The following VAT1L variants were observed in gnomAD, a reference collection of about 807,000 sequenced individuals.
The protein encoded by VAT1L is putative NADPH-dependent quinone oxidoreductase VAT1L.
Under a neutral mutation model 44.1 loss-of-function variants are expected in VAT1L, and 34 were observed. The ratio of observed to expected loss-of-function variants is 0.77; its 90% CI spans 0.59 to 1.03. The LOEUF is 1.03. Among genes scored for constraint, VAT1L ranks in the 50% least tolerant of loss-of-function variants. VAT1L has a pLI of 0.00. For missense variants in VAT1L, 615 were observed against 538.8 expected, an observed-to-expected ratio of 1.14 and a Z score of -1.40; for synonymous variants, 253 against 202.2, an observed-to-expected ratio of 1.25 and a Z score of -2.13.
At chr16:77,840,602 C>T (rs543959404) in intron 3 of VAT1L, among the ~76,000 whole-genome samples, 1 of 152,246 alleles carries the variant, frequency 6.6e-6, no homozygotes, top group Non-Finnish European at 1.5e-5. Context: ...ACACTCATTT[C>T]GTTTTGCATG....
chr16:77,960,523 T>C (rs143708087), intron 7 of VAT1L, among the ~76,000 whole-genome samples: 4 of 152,166 alleles, frequency 2.6e-5, no homozygotes, highest in Non-Finnish European at 2.9e-5. Context: ...GCTGTAGTTG[T>C]GAAGAGGCAT....
chr16:77,946,007 G>A (rs1234120670), intron 7 of VAT1L, among the ~76,000 whole-genome samples: 3 of 151,820 alleles, frequency 2.0e-5, no homozygotes, highest in Non-Finnish European at 4.4e-5. Context: ...TCACCATGTT[G>A]GTCAGGCTGG....
chr16:77,837,522 C>T (rs190062176), intron 3 of VAT1L, among the ~76,000 whole-genome samples: 1 of 152,178 alleles, frequency 6.6e-6, no homozygotes, highest in Non-Finnish European at 1.5e-5. Flanking sequence ...AACCACTGAT[C>T]TCAGTACCCA....
rs2018280489 is a variant in VAT1L at position 77,971,788 on chromosome 16, C to T, written c.1078-62C>T. 4.5e-6 allele frequency: 7 copies of T among 1,547,650 alleles called. 1 individual carries two copies. The African/African-American group carries it at 6.8e-5, about 15-fold the overall frequency. On this transcript the variant is annotated intron_variant, in intron 7 of 8. Transcript: ENST00000302536. ...CTTGACAGTTTGAGTTCTCCAGGCCCCCTTTTTAACTGGGGAACATCTCGC... is the reference window on the plus strand; with the variant it reads ...CTTGACAGTTTGAGTTCTCCAGGCCTCCTTTTTAACTGGGGAACATCTCGC...
chr16:77,961,438 G>A (rs1406948709), intron 7 of VAT1L, among the ~76,000 whole-genome samples: 11 of 152,082 alleles, frequency 7.2e-5, no homozygotes, highest in Admixed American at 7.2e-4. Context: ...AGATCCCTGG[G>A]CCTGTTCCAA....
At chr16:77,883,592 A>C (rs1267791183) in intron 6 of VAT1L, among the ~76,000 whole-genome samples, 1 of 152,116 alleles carries the variant, frequency 6.6e-6, no homozygotes, top group Non-Finnish European at 1.5e-5. Context: ...GCTTCCACCC[A>C]CTAGACGCCA....
chr16:77,855,953 G>T (rs2142437427), intron 3 of VAT1L, among the ~76,000 whole-genome samples: 1 of 152,300 alleles, frequency 6.6e-6, no homozygotes, highest in South Asian at 2.1e-4. Flanking sequence ...AGGAGGTGGA[G>T]GTTGCAGTGA....
intron 7 of VAT1L, among the ~76,000 whole-genome samples, chr16:77,918,687 G>A (rs1400301295): frequency 6.6e-6 from 1 of 152,144 alleles, no homozygotes; most frequent in African/African-American, 2.4e-5. Flanking sequence ...CCCGGAAACT[G>A]TAAGTTTAAT....
chr16:77,903,033 C>A (rs35015284), intron 7 of VAT1L, among the ~76,000 whole-genome samples: 1 of 150,206 alleles, frequency 6.7e-6, no homozygotes, highest in Non-Finnish European at 1.5e-5. Context: ...TTATACCTTA[C>A]ACTCTCATAG....
At chr16:77,835,803 G>A (rs534972822) in intron 3 of VAT1L, among the ~76,000 whole-genome samples, 2 of 152,120 alleles carry the variant, frequency 1.3e-5, no homozygotes, top group African/African-American at 4.8e-5. Context: ...AACCCCGGAG[G>A]CGGAGGTCAC....
intron 7 of VAT1L, among the ~76,000 whole-genome samples, chr16:77,932,723 G>C (rs1012198773): frequency 6.6e-6 from 1 of 152,142 alleles, no homozygotes; most frequent in African/African-American, 2.4e-5. Flanking sequence ...CAATCCCTGA[G>C]ATCCACTCAT....
At chr16:77,891,856 A>G (rs1290999707) in intron 7 of VAT1L, among the ~76,000 whole-genome samples, 1 of 152,174 alleles carries the variant, frequency 6.6e-6, no homozygotes, top group Non-Finnish European at 1.5e-5. Context: ...GTGGATCACC[A>G]GGTCAGGAGA....
chr16:77,849,499 G>C, intron 3 of VAT1L, among the ~76,000 whole-genome samples: 1 of 152,212 alleles, frequency 6.6e-6, no homozygotes, highest in Middle Eastern at 3.2e-3. Flanking sequence ...GTTTGAGCAA[G>C]GGGGATGGCT....
chr16:77,891,762 G>T (rs529924145), intron 7 of VAT1L, among the ~76,000 whole-genome samples: 3 of 152,264 alleles, frequency 2.0e-5, no homozygotes, highest in Admixed American at 6.5e-5. Flanking sequence ...TCTGTCCCAG[G>T]ACAAGAGGGT....
At chr16:77,905,331 G>A (rs1192372310) in intron 7 of VAT1L, among the ~76,000 whole-genome samples, 1 of 152,158 alleles carries the variant, frequency 6.6e-6, no homozygotes, top group African/African-American at 2.4e-5. Context: ...AGCAGTAGCT[G>A]AGAGGAGATG....
chr16:77,962,307 G>T (rs1260368235), intron 7 of VAT1L, among the ~76,000 whole-genome samples: 3 of 152,154 alleles, frequency 2.0e-5, no homozygotes, highest in Non-Finnish European at 4.4e-5. Flanking sequence ...ATTCTGGAAG[G>T]CCAGGAACCC....
intron 7 of VAT1L, among the ~76,000 whole-genome samples, chr16:77,904,546 T>C (rs1597091812): frequency 6.6e-6 from 1 of 152,154 alleles, no homozygotes; most frequent in Non-Finnish European, 1.5e-5. Context: ...AGGGCACTAA[T>C]CCCATCATGG....
intron 7 of VAT1L, among the ~76,000 whole-genome samples, chr16:77,947,394 G>C (rs749110503): frequency 6.6e-6 from 1 of 152,190 alleles, no homozygotes; most frequent in Admixed American, 6.5e-5. Context: ...TAAAGATCAA[G>C]TGGGTTTTAA....
chr16:77,948,203 C>T (rs2017994376), intron 7 of VAT1L, among the ~76,000 whole-genome samples: 1 of 152,236 alleles, frequency 6.6e-6, no homozygotes, highest in Non-Finnish European at 1.5e-5. Context: ...CCATGGCCAC[C>T]TTCCCTCTTC....
Sources: gnomAD v4.1 joint callset for allele counts (sites outside exome capture counted in the v4.1 genomes callset) on GRCh38, gnomAD v4.1.1 for gene constraint, MANE v1.5 for transcripts, NCBI Gene and HGNC (gene_info 2026-07-23, HGNC 2026-07-21) for gene names.